The following COL4A1 variants were observed in gnomAD, a reference collection of about 807,000 sequenced individuals.
COL4A1 encodes the protein collagen alpha-1(IV) chain.
Under a neutral mutation model 216.6 loss-of-function variants are expected in COL4A1, and 40 were observed. The observed-to-expected ratio is 0.18, with a 90% CI of 0.14 to 0.24. The LOEUF is 0.24. Among genes scored for constraint, COL4A1 ranks in the 10% least tolerant of loss-of-function variants. The pLI is 1.00. For synonymous variants in COL4A1, 839 were observed against 810.7 expected, an observed-to-expected ratio of 1.03 and a Z score of -0.59; for missense variants, 1,628 against 2,196.8, an observed-to-expected ratio of 0.74 and a Z score of 5.18.
chr13:110,219,967 C>CATATATATATATAT (rs71127921), intron 2 of COL4A1, among the ~76,000 whole-genome samples: 17 of 134,158 alleles, frequency 1.3e-4, no homozygotes, highest in African/African-American at 4.8e-4. Flanking sequence ...CATACATATA[C>CATATATATATATAT]ATATATATAT....
At chr13:110,281,963 C>T (rs950743232) in intron 1 of COL4A1, among the ~76,000 whole-genome samples, 55 of 152,324 alleles carry the variant, frequency 3.6e-4, no homozygotes, top group Middle Eastern at 3.4e-3. Flanking sequence ...TGAAACACAA[C>T]AGCTCCCTTC....
At chr13:110,257,105 G>A (rs184723031) in intron 1 of COL4A1, among the ~76,000 whole-genome samples, 2 of 152,316 alleles carry the variant, frequency 1.3e-5, no homozygotes, top group East Asian at 3.9e-4. Context: ...CTGAAATGCT[G>A]CTGCACAGTT....
At chr13:110,269,144 T>C (rs1383463881) in intron 1 of COL4A1, among the ~76,000 whole-genome samples, 1 of 152,194 alleles carries the variant, frequency 6.6e-6, no homozygotes, top group African/African-American at 2.4e-5. Context: ...GAAAAATAAT[T>C]GTAGCATTTT....
intron 2 of COL4A1, 119 bp from the exon 3 acceptor site, chr13:110,214,134 C>A: frequency 1.2e-6 from 1 of 832,970 alleles, no homozygotes; most frequent in Non-Finnish European, 2.0e-6. Flanking sequence ...CATTCTGTTG[C>A]CCAGGCTGGA....
In COL4A1 at chr13:110,208,840, T is replaced by G; in HGVS notation, c.693+9A>C. On this transcript the variant is annotated intron_variant, in intron 12 of 51. Coordinates refer to ENST00000375820, the MANE Select transcript of COL4A1 (RefSeq NM_001845.6). ...AACATGAAAGCACTCCAGAGCAATA[T>G]GCACTCACCTTGTCACCTTTTGGTC... is the stretch of plus-strand genomic sequence containing the variant. The G allele has an allele frequency of 6.2e-7, 1 of 1,614,172 alleles. No individual in the cohort carries two copies. Among genetic ancestry groups the G allele is most frequent in the African/African-American group, 1.3e-5 (1 of 75,078 alleles).
rs1456222792 is a variant in COL4A1, at chr13:110,252,615, G to A, written c.85-9881C>T. Among the ~76,000 whole-genome samples, 35 of 21,932 alleles carry A rather than the reference G, an allele frequency of 1.6e-3. 10 individuals are homozygous for A. Among genetic ancestry groups the A allele is most frequent in the Admixed American group, 7.2e-3 (7 of 968 alleles). The allele number at this position is 21,932 out of a possible 152,430, so 14.4% of individuals were successfully genotyped here. A position where few individuals can be genotyped will look rare whatever the true frequency, so the allele number is the denominator to read the frequency against. ...TTATACGTATATATGTATTATATAT[G>A]TATAATTGTATATATTATATATACT... On this transcript the variant is annotated intron_variant, in intron 1 of 51. Coordinates refer to ENST00000375820, the MANE Select transcript of COL4A1 (RefSeq NM_001845.6).
intron 1 of COL4A1, among the ~76,000 whole-genome samples, chr13:110,264,421 G>A (rs574620881): frequency 7.2e-5 from 11 of 152,030 alleles, no homozygotes; most frequent in Non-Finnish European, 1.5e-4. Flanking sequence ...CCCTACCTGC[G>A]CCCAAAACCA....
At chr13:110,153,562 C>T (rs1876614874) in intron 50 of COL4A1, among the ~76,000 whole-genome samples, 1 of 152,102 alleles carries the variant, frequency 6.6e-6, no homozygotes, top group Non-Finnish European at 1.5e-5. Context: ...GTGGCGAATC[C>T]AATCTACCTT....
intron 2 of COL4A1, among the ~76,000 whole-genome samples, chr13:110,225,359 G>A (rs140709066): frequency 6.6e-6 from 1 of 152,352 alleles, no homozygotes; most frequent in East Asian, 1.9e-4. Flanking sequence ...CAAGGCGGGT[G>A]GATCACCTGA....
At chr13:110,212,692 T>C in intron 4 of COL4A1, 74 bp from the exon 5 acceptor site, 1 of 1,545,434 alleles carries the variant, frequency 6.5e-7, no homozygotes, top group Non-Finnish European at 8.9e-7. Flanking sequence ...ATCTCCCCGG[T>C]TAATGGAGTC....
At chr13:110,284,620 C>A (rs985735391) in intron 1 of COL4A1, among the ~76,000 whole-genome samples, 1 of 152,184 alleles carries the variant, frequency 6.6e-6, no homozygotes, top group Non-Finnish European at 1.5e-5. Flanking sequence ...CTTCCTAACA[C>A]AGATAGAGCA....
At chr13:110,167,567 A>C (rs1333598047) in intron 43 of COL4A1, among the ~76,000 whole-genome samples, 2 of 152,030 alleles carry the variant, frequency 1.3e-5, no homozygotes, top group Non-Finnish European at 2.9e-5. Context: ...CCCCCTCAAC[A>C]CCTGTGACGG....
At position 110,211,920 on chromosome 13, in the gene COL4A1, C is replaced by A; in HGVS notation, c.390G>T (p.Gly130=). The A allele has an allele frequency of 6.2e-7, 1 of 1,614,120 alleles. No homozygotes were observed. Among genetic ancestry groups the A allele is most frequent in the Non-Finnish European group, 8.5e-7 (1 of 1,179,992 alleles). Residue 130 remains glycine, a splice_region_variant and synonymous_variant, in exon 7 of 52, where the codon GGG becomes GGT. Coordinates refer to ENST00000375820, the MANE Select transcript of COL4A1 (RefSeq NM_001845.6). The surrounding 1 kb of genome is among the most constrained non-coding windows in gnomAD (Gnocchi z 4.3). ...PGIPGCNGTK[G]ERGPLGPPGL... is the part of the protein sequence containing the mutation. The stretch of plus-strand genomic sequence containing the variant: ...CAGGAGGCCCGAGCGGCCCTCTCTC[C>A]CCCTGGGGAGACAGCAGAGCATCAT...
chr13:110,306,372 T>G (rs753987035), intron 1 of COL4A1, among the ~76,000 whole-genome samples: 4 of 152,256 alleles, frequency 2.6e-5, no homozygotes, highest in Non-Finnish European at 4.4e-5. Context: ...CACTTCTGCC[T>G]TGGAGCGCGC....
chr13:110,267,537 C>T (rs1035899315), intron 1 of COL4A1, among the ~76,000 whole-genome samples: 2 of 152,124 alleles, frequency 1.3e-5, no homozygotes, highest in African/African-American at 4.8e-5. Flanking sequence ...AGCTCTCAGT[C>T]TCTGGAGTTT....
In COL4A1 at chr13:110,212,587, T is replaced by A; in HGVS notation, c.311A>T (p.Asn104Ile). 6.2e-7 allele frequency: 1 copy of A among 1,614,156 alleles called. No homozygotes were observed. Among genetic ancestry groups the A allele is most frequent in the Non-Finnish European group, 8.5e-7 (1 of 1,180,034 alleles). Residue 104 changes from asparagine to isoleucine, a missense_variant, in exon 5 of 52, where the codon AAC (asparagine) becomes ATC (isoleucine). Physicochemically the swap from Asn to Ile is moderately radical, Grantham distance 149 (BLOSUM62 -3). Transcript: ENST00000375820. ...TTCTATACATACGGGAAGTCCTGGGTTTCCAGGGTAGCCAGATGCTCCCGG... is the reference window on the plus strand; with the variant it reads ...TTCTATACATACGGGAAGTCCTGGGATTCCAGGGTAGCCAGATGCTCCCGG... ...GPPGASGYPG[N>I]PGLPGIPGQD...
intron 43 of COL4A1, among the ~76,000 whole-genome samples, chr13:110,167,521 C>T (rs1486618735): frequency 1.3e-5 from 2 of 152,210 alleles, no homozygotes; most frequent in Non-Finnish European, 2.9e-5. Context: ...CTTGCCACCT[C>T]CAGCTCACAG....
intron 24 of COL4A1, chr13:110,191,655 C>T: frequency 1.5e-6 from 1 of 687,184 alleles, no homozygotes; most frequent in Non-Finnish European, 2.6e-6. Context: ...AGCAACTGCA[C>T]AATAGATGTT....
chr13:110,191,803 C>G (rs189717077), intron 24 of COL4A1, among the ~76,000 whole-genome samples: 3 of 152,282 alleles, frequency 2.0e-5, no homozygotes, highest in Non-Finnish European at 2.9e-5. Context: ...TTTAGATGAT[C>G]TGATATGATG....
Sources: allele counts gnomAD v4.1 joint callset (sites outside exome capture counted in the v4.1 genomes callset), GRCh38; gene constraint gnomAD v4.1.1; non-coding constraint Gnocchi (gnomAD v3.1); transcripts MANE v1.5; gene names NCBI Gene and HGNC (gene_info 2026-07-23, HGNC 2026-07-21).